Variants in DCAF8L2 observed in about 807,000 individuals in gnomAD.
DCAF8L2 encodes the protein DDB1 and CUL4 associated factor 8 like 2, also known as DDB1- and CUL4-associated factor 8-like protein 2.
For synonymous variants in DCAF8L2, 200 were observed against 190.9 expected (o/e 1.05, Z -0.39); for missense variants, 430 against 490.7 (o/e 0.88, Z 1.17).
chrX:27,537,267 T>C, the DCAF8L2 span, among the ~76,000 whole-genome samples: 2 of 112,460 alleles, frequency 1.8e-5, no homozygotes, highest in Non-Finnish European at 3.8e-5. Context: ...CTTCACTTTA[T>C]GTTATTTCAG....
chrX:27,564,028 T>C, the DCAF8L2 span, among the ~76,000 whole-genome samples: 1 of 112,104 alleles, frequency 8.9e-6, no homozygotes, highest in Non-Finnish European at 1.9e-5. Flanking sequence ...TATGTATTAG[T>C]CCGTTTTCAT....
intron 2 of DCAF8L2, among the ~76,000 whole-genome samples, chrX:27,644,297 C>T (rs1210950217): frequency 8.9e-6 from 1 of 112,095 alleles, no homozygotes; most frequent in Non-Finnish European, 1.9e-5. Flanking sequence ...AGAATATAAG[C>T]TCCTTGACAG....
intron 4 of DCAF8L2, among the ~76,000 whole-genome samples, chrX:27,738,892 T>C (rs1921690690): frequency 9.0e-6 from 1 of 111,489 alleles, no homozygotes; most frequent in African/African-American, 3.3e-5. Flanking sequence ...AATGTGCATA[T>C]TCTTTCACCA....
chrX:27,632,925 T>TAA (rs1928349694), intron 2 of DCAF8L2: 1 of 112,158 alleles, frequency 8.9e-6, no homozygotes, highest in Admixed American at 9.5e-5. Context: ...CCTAGTTTTT[T>TAA]CACTGATATA....
At chrX:27,548,074 C>T in the DCAF8L2 span, among the ~76,000 whole-genome samples, 4 of 110,173 alleles carry the variant, frequency 3.6e-5, no homozygotes, top group East Asian at 8.6e-4. Flanking sequence ...GTCTTTATAG[C>T]AGTGTGAGAA....
chrX:27,708,605 C>T (rs1931419547), intron 3 of DCAF8L2, among the ~76,000 whole-genome samples: 1 of 112,130 alleles, frequency 8.9e-6, no homozygotes, highest in Non-Finnish European at 1.9e-5. Flanking sequence ...AATCTTCTTT[C>T]AAGGATGTTT....
At chrX:27,514,178 G>T in the DCAF8L2 span, among the ~76,000 whole-genome samples, 2 of 97,087 alleles carry the variant, frequency 2.1e-5, no homozygotes, top group African/African-American at 8.7e-5. Flanking sequence ...ATATGTACAT[G>T]TATGTACCCG....
upstream of DCAF8L2, among the ~76,000 whole-genome samples, chrX:27,587,483 CTT>C (rs977095541): frequency 2.2e-4 from 24 of 111,603 alleles, no homozygotes; most frequent in African/African-American, 6.8e-4. Flanking sequence ...GTATTTTTCT[CTT>C]TTACACATTC....
chrX:27,481,935 A>G, the DCAF8L2 span, among the ~76,000 whole-genome samples: 2 of 111,602 alleles, frequency 1.8e-5, no homozygotes, highest in Non-Finnish European at 3.8e-5. Flanking sequence ...GTTGATTTGG[A>G]CATATTATAG....
At chrX:27,520,804 A>G in the DCAF8L2 span, among the ~76,000 whole-genome samples, 6 of 112,109 alleles carry the variant, frequency 5.4e-5, no homozygotes, top group Admixed American at 1.9e-4. Context: ...ATTCAGAAAT[A>G]AAGGTGTCAA....
chrX:27,601,439 C>T (rs924119454), intron 1 of DCAF8L2, among the ~76,000 whole-genome samples: 3 of 112,440 alleles, frequency 2.7e-5, no homozygotes, highest in African/African-American at 9.7e-5. Flanking sequence ...GTGGCTCATG[C>T]CTGTAATCCC....
intron 2 of DCAF8L2, among the ~76,000 whole-genome samples, chrX:27,673,152 A>C (rs1228999155): frequency 3.6e-5 from 4 of 110,805 alleles, no homozygotes; most frequent in Non-Finnish European, 3.8e-5. Flanking sequence ...TGTTAAATTT[A>C]TATTATTATA....
At chrX:27,584,661 A>G in the DCAF8L2 span, among the ~76,000 whole-genome samples, 1 of 111,756 alleles carries the variant, frequency 8.9e-6, no homozygotes, top group Admixed American at 9.6e-5. Flanking sequence ...CTCAGACACC[A>G]ACTTCATTTG....
intron 2 of DCAF8L2, among the ~76,000 whole-genome samples, chrX:27,657,872 C>A (rs924767962): frequency 6.3e-5 from 7 of 111,753 alleles, no homozygotes; most frequent in Non-Finnish European, 1.3e-4. Flanking sequence ...AATATATATA[C>A]CCCCGGATGT....
At chrX:27,556,902 T>G in the DCAF8L2 span, among the ~76,000 whole-genome samples, 1 of 112,086 alleles carries the variant, frequency 8.9e-6, no homozygotes, top group African/African-American at 3.2e-5. Flanking sequence ...AGGGATAATT[T>G]AAACACCAAC....
chrX:27,670,116 G>GT (rs1396183574), intron 2 of DCAF8L2, among the ~76,000 whole-genome samples: 9 of 92,475 alleles, frequency 9.7e-5, no homozygotes, highest in African/African-American at 2.9e-4. Context: ...TGTTTTTTTT[G>GT]TTTGTTTTTT....
chrX:27,641,141 C>T (rs1928701578), intron 2 of DCAF8L2, among the ~76,000 whole-genome samples: 2 of 111,453 alleles, frequency 1.8e-5, no homozygotes, highest in South Asian at 7.4e-4. Flanking sequence ...AAGGAAACAT[C>T]ATTTTATATT....
At chrX:27,580,280 C>G in the DCAF8L2 span, among the ~76,000 whole-genome samples, 11 of 111,311 alleles carry the variant, frequency 9.9e-5, no homozygotes, top group East Asian at 1.7e-3. Context: ...TTAATCAGGA[C>G]TATCTGTGCC....
the DCAF8L2 span, among the ~76,000 whole-genome samples, chrX:27,479,953 A>G: frequency 8.9e-6 from 1 of 111,931 alleles, no homozygotes; most frequent in African/African-American, 3.3e-5. Context: ...CAAAAAATCA[A>G]TGTAAAGTGT....
Sources: gnomAD v4.1 joint callset for allele counts (sites outside exome capture counted in the v4.1 genomes callset) on GRCh38, gnomAD v4.1.1 for gene constraint, MANE v1.5 for transcripts, NCBI Gene and HGNC (gene_info 2026-07-23, HGNC 2026-07-21) for gene names.